CD44: variants seen among roughly 807,000 people sequenced by gnomAD.
CD44 encodes the protein CD44 antigen.
CD44 carries 49 observed loss-of-function variants against 88.8 expected under a neutral mutation model. The ratio of observed to expected loss-of-function variants is 0.55; its 90% CI spans 0.44 to 0.70. The LOEUF is 0.70. Ranked by LOEUF, CD44 falls within the 30% of genes least tolerant of loss-of-function variation. The pLI is 0.00. For missense variants in CD44, 883 were observed against 913.8 expected (o/e 0.97, Z 0.43); for synonymous variants, 325 against 312.3 (o/e 1.04, Z -0.43).
intron 9 of CD44, among the ~76,000 whole-genome samples, chr11:35,202,408 T>G (rs951977390): frequency 3.3e-5 from 5 of 152,156 alleles, no homozygotes; most frequent in African/African-American, 1.2e-4. Flanking sequence ...CAAAACAATC[T>G]CAAGTTGCGG....
Position 35,198,227 on chromosome 11 carries a change from A to C in CD44, c.903A>C (p.Glu301Asp). The C allele has an allele frequency of 6.2e-7, 1 of 1,613,950 alleles. No homozygotes were observed. Among genetic ancestry groups the C allele is most frequent in the Non-Finnish European group, 8.5e-7 (1 of 1,179,846 alleles). ...CTGGATCAGGCATTGATGATGATGA[A>C]GATTTTATCTCCAGCACCAGTAAGA... is the stretch of plus-strand genomic sequence containing the variant. ...SFSGSGIDDD[E>D]DFISSTISTT... Residue 301 changes from glutamate to aspartate, a missense_variant, in exon 7 of 18, where the codon GAA becomes GAC. This residue lies in a region of CD44 where 631 missense variants were observed against 590.9 expected (regional missense o/e 1.07). Coordinates refer to ENST00000428726, the MANE Select transcript of CD44 (RefSeq NM_000610.4).
At chr11:35,193,359 C>T (rs764104810) in intron 5 of CD44, among the ~76,000 whole-genome samples, 2 of 152,220 alleles carry the variant, frequency 1.3e-5, no homozygotes, top group Non-Finnish European at 2.9e-5. Flanking sequence ...ACGGGTTGGA[C>T]AAGCTTGATT....
chr11:35,156,306 T>A (rs1014599079), intron 1 of CD44, among the ~76,000 whole-genome samples: 5 of 152,170 alleles, frequency 3.3e-5, no homozygotes, highest in Admixed American at 6.5e-5. Flanking sequence ...TGGGAGGAAG[T>A]CTTCAGGATT....
intron 1 of CD44, among the ~76,000 whole-genome samples, chr11:35,140,459 C>T (rs1215031962): frequency 6.6e-6 from 1 of 152,196 alleles, no homozygotes; most frequent in Non-Finnish European, 1.5e-5. Context: ...TAACCCAGTT[C>T]CACGGGAGTA....
At chr11:35,166,652 G>T (rs981954107) in intron 1 of CD44, among the ~76,000 whole-genome samples, 1 of 152,202 alleles carries the variant, frequency 6.6e-6, no homozygotes, top group African/African-American at 2.4e-5. Context: ...ACGGAAAAAA[G>T]GCAGAGAAAT....
chr11:35,211,263 G>A lies in CD44; in HGVS notation c.1624G>A (p.Gly542Ser). Residue 542 changes from glycine to serine, a missense_variant, in exon 14 of 18, where the codon GGT (glycine) becomes AGT (serine). By Grantham distance (56) the Gly-to-Ser change is moderately conservative. Coordinates refer to ENST00000428726, the MANE Select transcript of CD44 (RefSeq NM_000610.4). ...LTSSNRNDVTGGRRDPNHSEG... is the reference protein window; with the variant it reads ...LTSSNRNDVTSGRRDPNHSEG... Reference sequence around the variant, plus strand: ...CCACACAGATAGGAATGATGTCACAGGTGGAAGAAGAGACCCAAATCATTC... The same window carrying A: ...CCACACAGATAGGAATGATGTCACAAGTGGAAGAAGAGACCCAAATCATTC... The A allele has an allele frequency of 6.2e-7, 1 of 1,613,602 alleles. No individual in the cohort carries two copies. Among genetic ancestry groups the A allele is most frequent in the Non-Finnish European group, 8.5e-7 (1 of 1,179,608 alleles).
chr11:35,206,210 A>G lies in CD44; in HGVS notation c.1381A>G (p.Met461Val), dbSNP rs1292156322. The G allele has an allele frequency of 1.2e-6, 2 of 1,611,286 alleles. No homozygotes were observed. Among genetic ancestry groups the G allele is most frequent in the Middle Eastern group, 1.6e-4 (1 of 6,074 alleles). ...TDFFNPISHP[M>V]GRGHQAGRRM... Reference sequence around the variant, plus strand: ...TTTCTTCAACCCAATCTCACACCCCATGGGACGAGGTCATCAAGCAGGAAG... The same window carrying G: ...TTTCTTCAACCCAATCTCACACCCCGTGGGACGAGGTCATCAAGCAGGAAG... Residue 461 changes from methionine to valine, a missense_variant, in exon 11 of 18, where the codon ATG (methionine) becomes GTG (valine). By Grantham distance (21) the Met-to-Val change is conservative. Transcript: ENST00000428726.
chr11:35,181,756 T>C (rs1418393815), intron 3 of CD44, among the ~76,000 whole-genome samples: 3 of 125,686 alleles, frequency 2.4e-5, no homozygotes, highest in African/African-American at 9.2e-5. Flanking sequence ...TTATATAAAT[T>C]TATATTTATA....
chr11:35,176,570 C>T lies in CD44; in HGVS notation c.68-5C>T. Reference sequence around the variant, plus strand: ...AGAATCTAACATTTCTATTTCTTCCCATAGATTTGAATATAACCTGCCGCT... The same window carrying T: ...AGAATCTAACATTTCTATTTCTTCCTATAGATTTGAATATAACCTGCCGCT... On this transcript the variant is annotated splice_region_variant and splice_polypyrimidine_tract_variant and intron_variant, in intron 1 of 17. Coordinates refer to ENST00000428726, the MANE Select transcript of CD44 (RefSeq NM_000610.4). 1.2e-6 allele frequency: 2 copies of T among 1,602,030 alleles called. No individual in the cohort carries two copies. Among genetic ancestry groups the T allele is most frequent in the Non-Finnish European group, 1.7e-6 (2 of 1,175,404 alleles).
At chr11:35,143,801 C>A (rs1336062749) in intron 1 of CD44, among the ~76,000 whole-genome samples, 1 of 152,208 alleles carries the variant, frequency 6.6e-6, no homozygotes, top group Admixed American at 6.5e-5. Flanking sequence ...AAATAAATCA[C>A]ATCCCTTATC....
intron 13 of CD44, chr11:35,210,665 A>ATAATTGGCG (rs1948307618): frequency 6.5e-6 from 1 of 153,196 alleles, no homozygotes; most frequent in Non-Finnish European, 1.5e-5. Flanking sequence ...AGTGTGATTT[A>ATAATTGGCG]TAATTGGCGT....
chr11:35,171,683 T>A (rs1943912174), intron 1 of CD44, among the ~76,000 whole-genome samples: 1 of 152,198 alleles, frequency 6.6e-6, no homozygotes, highest in South Asian at 2.1e-4. Flanking sequence ...ATAAGCACCA[T>A]CACATTCAAG....
chr11:35,231,201 C>T lies in CD44; in HGVS notation c.*1868C>T, dbSNP rs1950042709. On this transcript the variant is annotated 3_prime_UTR_variant, in exon 18 of 18. Coordinates refer to ENST00000428726, the MANE Select transcript of CD44 (RefSeq NM_000610.4). ...TATTTTCTTTTCAACTTGAAAGAAA[C>T]TGGACATTAGGCCACTATGTGTTGT... 6.6e-6 allele frequency: 1 copy of T among 152,580 alleles called. No individual in the cohort carries two copies. The highest frequency in any genetic ancestry group is 1.5e-5 in the Non-Finnish European group (1 of 68,038). 9.5% of individuals were successfully genotyped at this position (152,580 alleles called of 1,614,324 possible).
chr11:35,182,213 C>G (rs1591105986), intron 3 of CD44, among the ~76,000 whole-genome samples: 1 of 150,520 alleles, frequency 6.6e-6, no homozygotes, highest in East Asian at 1.9e-4. Context: ...AAAAAAAACC[C>G]AAAAATTAAA....
At chr11:35,159,185 G>A (rs1421511438) in intron 1 of CD44, among the ~76,000 whole-genome samples, 1 of 152,214 alleles carries the variant, frequency 6.6e-6, no homozygotes, top group Admixed American at 6.5e-5. Flanking sequence ...TGAGGTGCCA[G>A]CTTCTGAGTG....
Position 35,183,087 on chromosome 11 carries a change from G to C in CD44, c.367+2680G>C, listed in dbSNP as rs574993634. ...TCAGTTGAAAAGCTTGAGAAGTACA[G>C]GGGGTATGTTCCTTACTAAAATGGA... On this transcript the variant is annotated intron_variant, in intron 3 of 17. Coordinates refer to ENST00000428726, the MANE Select transcript of CD44 (RefSeq NM_000610.4). 3.3e-5 allele frequency among the ~76,000 whole-genome samples: 5 copies of C among 152,266 alleles called. No homozygotes were observed. In the East Asian group the frequency reaches 9.6e-4, roughly 29 times the overall value.
chr11:35,171,240 G>T (rs113601121), intron 1 of CD44, among the ~76,000 whole-genome samples: 1 of 152,184 alleles, frequency 6.6e-6, no homozygotes, highest in African/African-American at 2.4e-5. Context: ...GAAAATGTTG[G>T]CTCCTTTTAA....
At chr11:35,198,071 G>A (rs778757462) in intron 6 of CD44, 50 bp from the exon 7 acceptor site, 1 of 1,587,742 alleles carries the variant, frequency 6.3e-7, no homozygotes, top group African/African-American at 1.3e-5. Flanking sequence ...TCCTTTGCAA[G>A]TGGGTTGCTT....
At chr11:35,218,697 G>A (rs56024844) in intron 15 of CD44, among the ~76,000 whole-genome samples, 1,862 of 152,242 alleles carry the variant, frequency 0.012, 45 homozygotes, top group African/African-American at 0.042. Flanking sequence ...TTTCTGGAGC[G>A]TGTGAGTCCC....
Sources: allele counts gnomAD v4.1 joint callset (sites outside exome capture counted in the v4.1 genomes callset), GRCh38; gene constraint gnomAD v4.1.1; regional missense constraint gnomAD v4.1.1; transcripts MANE v1.5; gene names NCBI Gene and HGNC (gene_info 2026-07-23, HGNC 2026-07-21).